ITIH5: variants seen among roughly 807,000 people sequenced by gnomAD.
The protein encoded by ITIH5 is inter-alpha-trypsin inhibitor heavy chain H5.
ITIH5 carries 65 observed loss-of-function variants against 77.5 expected under a neutral mutation model. The ratio of observed to expected loss-of-function variants is 0.84; its 90% confidence interval spans 0.69 to 1.03. ITIH5 has a LOEUF of 1.03. Ranked by LOEUF, ITIH5 falls within the 50% of genes least tolerant of loss-of-function variation. The pLI is 0.00. For synonymous variants in ITIH5, 525 were observed against 494.3 expected (o/e 1.06, Z -0.82); for missense variants, 1,208 against 1,213.1 (o/e 1.00, Z 0.06).
At chr10:7,662,321 C>T (rs531395824) in intron 1 of ITIH5, among the ~76,000 whole-genome samples, 25 of 151,796 alleles carry the variant, frequency 1.6e-4, no homozygotes, top group African/African-American at 4.4e-4. Context: ...CATGCCACTG[C>T]GCTCCAGCCT....
intron 7 of ITIH5, among the ~76,000 whole-genome samples, chr10:7,611,272 T>C (rs1348156980): frequency 6.6e-6 from 1 of 152,278 alleles, no homozygotes; most frequent in African/African-American, 2.4e-5. Flanking sequence ...AGATTAAAGA[T>C]TCTTGCATTA....
At chr10:7,625,870 T>C (rs1364730753) in intron 5 of ITIH5, among the ~76,000 whole-genome samples, 1 of 152,240 alleles carries the variant, frequency 6.6e-6, no homozygotes, top group Non-Finnish European at 1.5e-5. Flanking sequence ...AGGTTTTTAA[T>C]TGCCAGCTCT....
rs1490702756 is a variant in ITIH5, at chr10:7,580,017, T to C, written c.1156A>G (p.Lys386Glu). 6.2e-7 allele frequency: 1 copy of C among 1,613,122 alleles called. No individual in the cohort carries two copies. The highest frequency in any genetic ancestry group is 8.5e-7 in the Non-Finnish European group (1 of 1,179,824). Residue 386 changes from lysine (K) to glutamate (E), a missense_variant, in exon 9 of 14, where the codon AAG becomes GAG. Physicochemically the swap from Lys to Glu is moderately conservative, Grantham distance 56. Coordinates refer to ENST00000397146, the MANE Select transcript of ITIH5 (RefSeq NM_030569.7). ...CCAATGCCACTGTGGGCCACGTACT[T>C]GTTGAGGAGCCTGATGGCCCTCTGC... ...ALQRAIRLLNKYVAHSGIGDR... is the reference protein window; with the variant it reads ...ALQRAIRLLNEYVAHSGIGDR...
chr10:7,634,687 G>A (rs984058273), intron 5 of ITIH5, among the ~76,000 whole-genome samples: 3 of 152,080 alleles, frequency 2.0e-5, no homozygotes, highest in African/African-American at 7.2e-5. Context: ...TCTCTGAAGA[G>A]TCATTATGAT....
chr10:7,644,802 A>C (rs1018255637), intron 2 of ITIH5, among the ~76,000 whole-genome samples: 9 of 115,392 alleles, frequency 7.8e-5, no homozygotes, highest in Non-Finnish European at 1.3e-4. Flanking sequence ...TATATATCAT[A>C]TATATCACAT....
At position 7,637,244 on chromosome 10, in the gene ITIH5, G is replaced by A; in HGVS notation, c.636C>T (p.Gly212=). 2 of 1,608,984 alleles carry A rather than the reference G, an allele frequency of 1.2e-6. No homozygotes were observed. Among genetic ancestry groups the A allele is most frequent in the South Asian group, 1.1e-5 (1 of 91,050 alleles). The change falls in exon 5 of 14, where the codon GGC becomes GGT. Residue 212 remains glycine (G), a synonymous_variant. Coordinates refer to ENST00000397146, the MANE Select transcript of ITIH5 (RefSeq NM_030569.7). ...AGGACTCACCTTCCCCGCGCCCACT[G>A]CCCCTCTGCCTGCTGTTGTGAAGCG... ...VLPLHNSRQR[G]SGRGEDDSGP... is the part of the protein sequence containing the mutation.
In ITIH5 at chr10:7,598,106, AG is replaced by A. The variant is rs369478663; in HGVS notation, c.940-12038del. ...AGTGTAAGAGTGTAAGTAACACTTC[AG>A]GGGGTTATGAAAATGCCTAAAGGAA... On this transcript the variant is annotated intron_variant, in intron 7 of 13. Transcript: ENST00000397146. Among the ~76,000 whole-genome samples the A allele has an allele frequency of 2.5e-3, 384 of 152,340 alleles. 3 individuals are homozygous for A. The highest frequency in any genetic ancestry group is 8.4e-3 in the African/African-American group (348 of 41,578).
At position 7,642,034 on chromosome 10, in the gene ITIH5, A is replaced by G. The variant is rs1242428170; in HGVS notation, c.192T>C (p.Tyr64=). ...FSVKSTIISR[Y]AFTTVSCRML... is the part of the protein sequence containing the mutation. ...TTCTGCAGGAAACCGTAGTGAAGGC[A>G]TAACGGGAAATGATGGTAGACTTCA... is the stretch of plus-strand genomic sequence containing the variant. Residue 64 remains tyrosine, a synonymous_variant, in exon 3 of 14, where the codon TAT becomes TAC. Transcript: ENST00000397146. 5.0e-6 allele frequency: 8 copies of G among 1,614,000 alleles called. No individual in the cohort carries two copies. The highest frequency in any genetic ancestry group is 2.2e-5 in the East Asian group (1 of 44,898).
intron 13 of ITIH5, among the ~76,000 whole-genome samples, chr10:7,564,157 G>A (rs1398077425): frequency 6.6e-6 from 1 of 152,220 alleles, no homozygotes. Flanking sequence ...GAGAGCAAAG[G>A]AACTGGACCC....
intron 2 of ITIH5, among the ~76,000 whole-genome samples, chr10:7,647,962 G>A (rs760796155): frequency 7.9e-5 from 12 of 152,048 alleles, no homozygotes; most frequent in Non-Finnish European, 1.3e-4. Context: ...AGAACACAGT[G>A]GCCGGGCACA....
intron 13 of ITIH5, among the ~76,000 whole-genome samples, chr10:7,564,013 A>G (rs1832091463): frequency 1.3e-5 from 2 of 152,268 alleles, no homozygotes; most frequent in Admixed American, 1.3e-4. Flanking sequence ...AGGGGCCCAC[A>G]TGAAATTACA....
intron 5 of ITIH5, among the ~76,000 whole-genome samples, chr10:7,630,341 A>C (rs1359609081): frequency 6.6e-6 from 1 of 152,202 alleles, no homozygotes; most frequent in Non-Finnish European, 1.5e-5. Context: ...TTACATTGGT[A>C]AATTTTGCCA....
chr10:7,656,731 T>A lies in ITIH5; in HGVS notation c.91-1056A>T, dbSNP rs1424550904. Among the ~76,000 whole-genome samples, 3 of 145,934 alleles carry A rather than the reference T, an allele frequency of 2.1e-5. No individual in the cohort carries two copies. The East Asian group carries it at 6.0e-4, about 29-fold the overall frequency. ...AAAAACATAAGAAATATGCCTAGAC[T>A]TCATGTCTATTTTTCTTTTTTTTTT... is the stretch of plus-strand genomic sequence containing the variant. On this transcript the variant is annotated intron_variant, in intron 1 of 13. Coordinates refer to ENST00000397146, the MANE Select transcript of ITIH5 (RefSeq NM_030569.7).
intron 8 of ITIH5, among the ~76,000 whole-genome samples, chr10:7,582,022 C>G (rs1000709700): frequency 2.6e-5 from 4 of 151,392 alleles, no homozygotes; most frequent in Admixed American, 6.6e-5. Flanking sequence ...ATTACAGGCA[C>G]ACGCCACCAT....
chr10:7,664,957 G>A (rs1284273483), intron 1 of ITIH5, among the ~76,000 whole-genome samples: 1 of 152,176 alleles, frequency 6.6e-6, no homozygotes. Context: ...AGTAAGTGCA[G>A]AGCCAAGATT....
In ITIH5 at chr10:7,601,929, T is replaced by C. The variant is rs193152910; in HGVS notation, c.939+14053A>G. 2.1e-4 allele frequency among the ~76,000 whole-genome samples: 32 copies of C among 152,252 alleles called. No individual in the cohort carries two copies. In the East Asian group the frequency reaches 5.2e-3, roughly 25 times the overall value. ...GTGCAGTGGCTCAATCTCAGCTCACTGCAACCTCTACCTCCCACGTTCAAG... is the reference window on the plus strand; with the variant it reads ...GTGCAGTGGCTCAATCTCAGCTCACCGCAACCTCTACCTCCCACGTTCAAG... On this transcript the variant is annotated intron_variant, in intron 7 of 13. Coordinates refer to ENST00000397146, the MANE Select transcript of ITIH5 (RefSeq NM_030569.7).
chr10:7,642,442 C>T (rs889365260), intron 2 of ITIH5, among the ~76,000 whole-genome samples: 2 of 152,158 alleles, frequency 1.3e-5, no homozygotes, highest in African/African-American at 4.8e-5. Flanking sequence ...GTATATAATA[C>T]TCTTCTGTTA....
Position 7,563,089 on chromosome 10 carries a change from C to T in ITIH5, c.2823G>A (p.Glu941=). The T allele has an allele frequency of 1.9e-6, 3 of 1,612,690 alleles. No homozygotes were observed. Among genetic ancestry groups the T allele is most frequent in the Non-Finnish European group, 2.5e-6 (3 of 1,179,550 alleles). The change falls in exon 14 of 14, where the codon GAG becomes GAA. Residue 941 remains glutamate, a synonymous_variant. Coordinates refer to ENST00000397146, the MANE Select transcript of ITIH5 (RefSeq NM_030569.7). ...GMTLGRGMSR[E]L ...ATCTTTAAGGCTGCCAGCTTCAGAG[C>T]TCCCTGGACATTCCCCGGCCAAGTG...
At chr10:7,595,085 G>A (rs1486309612) in intron 7 of ITIH5, among the ~76,000 whole-genome samples, 1 of 152,182 alleles carries the variant, frequency 6.6e-6, no homozygotes, top group Non-Finnish European at 1.5e-5. Context: ...TCCAGGCTAG[G>A]AGCAATGGCT....
Sources: allele counts gnomAD v4.1 joint callset (sites outside exome capture counted in the v4.1 genomes callset), GRCh38; gene constraint gnomAD v4.1.1; transcripts MANE v1.5; gene names NCBI Gene and HGNC (gene_info 2026-07-23, HGNC 2026-07-21).